The following NPHP1 variants were observed in gnomAD, a reference collection of about 807,000 sequenced individuals.
NPHP1 encodes nephrocystin 1.
In NPHP1, 70 loss-of-function variants were observed where a neutral mutation model predicts 90.4. The observed-to-expected ratio is 0.77, with a 90% CI of 0.64 to 0.95. The LOEUF is 0.95. Ranked by LOEUF, NPHP1 falls within the 40% of genes least tolerant of loss-of-function variation. NPHP1 has a pLI of 0.00. For missense variants in NPHP1, 764 were observed against 795.9 expected (o/e 0.96, Z 0.48); for synonymous variants, 256 against 271.7 (o/e 0.94, Z 0.57).
At chr2:110,167,734 A>G (rs1380034711) in intron 6 of NPHP1, among the ~76,000 whole-genome samples, 1 of 152,146 alleles carries the variant, frequency 6.6e-6, no homozygotes, top group Non-Finnish European at 1.5e-5. Flanking sequence ...GGGACTTGTG[A>G]CTGGCAACGG....
At chr2:110,195,885 C>G (rs1388804678) in intron 2 of NPHP1, among the ~76,000 whole-genome samples, 3 of 151,996 alleles carry the variant, frequency 2.0e-5, no homozygotes, top group East Asian at 1.9e-4. Flanking sequence ...ACAAACCTGA[C>G]AAAAACAAGA....
chr2:110,170,017 A>T lies in NPHP1; in HGVS notation c.330-19T>A. On this transcript the variant is annotated intron_variant, in intron 4 of 19. Coordinates refer to ENST00000445609, the MANE Select transcript of NPHP1 (RefSeq NM_001128178.3). ...CCCAACTCTACAAAAAGTGTTTCTG[A>T]GTAGGACTACTTGAAATAATATACA... 1.2e-6 allele frequency: 2 copies of T among 1,612,920 alleles called. No individual in the cohort carries two copies. Among genetic ancestry groups the T allele is most frequent in the African/African-American group, 2.7e-5 (2 of 75,006 alleles).
At chr2:110,164,315 G>A in intron 8 of NPHP1, 2 of 582,720 alleles carry the variant, frequency 3.4e-6, no homozygotes, top group Non-Finnish European at 6.0e-6. Flanking sequence ...GGGATTACCA[G>A]TGTGAATCAC....
chr2:110,129,239 G>A lies in NPHP1; in HGVS notation c.1663C>T (p.Leu555=). The stretch of plus-strand genomic sequence containing the variant: ...TCCAAGAGCATGGGGAAGGTGGCCA[G>A]CATGGGATGGCTAATTAAATCTGAA... ...QSTDLISHPM[L]ATFPMLLEQP... is the part of the protein sequence containing the mutation. The change falls in exon 18 of 20, where the codon CTG becomes TTG. Residue 555 remains leucine (L), a synonymous_variant. Transcript: ENST00000445609. The A allele has an allele frequency of 1.2e-6, 2 of 1,613,262 alleles. No homozygotes were observed. The highest frequency in any genetic ancestry group is 8.5e-7 in the Non-Finnish European group (1 of 1,179,306).
intron 2 of NPHP1, among the ~76,000 whole-genome samples, chr2:110,190,115 C>G (rs906301504): frequency 6.6e-6 from 1 of 152,214 alleles, no homozygotes; most frequent in Non-Finnish European, 1.5e-5. Context: ...AATCCCTTAG[C>G]TAGACATAAA....
chr2:110,140,735 A>C (rs1264883364), intron 16 of NPHP1, among the ~76,000 whole-genome samples: 1 of 152,140 alleles, frequency 6.6e-6, no homozygotes, highest in Non-Finnish European at 1.5e-5. Flanking sequence ...AATCTTGAAA[A>C]ATAACAATTT....
intron 2 of NPHP1, among the ~76,000 whole-genome samples, chr2:110,189,698 T>C (rs1006572513): frequency 6.6e-6 from 1 of 151,956 alleles, no homozygotes; most frequent in East Asian, 1.9e-4. Context: ...GAGAGCCGAG[T>C]AGTCTGTTCT....
At chr2:110,124,221 A>T (rs1369161993) in intron 19 of NPHP1, 158 bp from the exon 20 acceptor site, 1 of 774,768 alleles carries the variant, frequency 1.3e-6, no homozygotes, top group Non-Finnish European at 2.2e-6. Flanking sequence ...AGGACATGGC[A>T]CTTCAGAAGT....
At chr2:110,180,328 C>T (rs1683796670) in intron 2 of NPHP1, among the ~76,000 whole-genome samples, 1 of 151,812 alleles carries the variant, frequency 6.6e-6, no homozygotes, top group Admixed American at 6.6e-5. Flanking sequence ...GTCTTAGATA[C>T]CCAAATGAGA....
intron 19 of NPHP1, chr2:110,125,080 C>G (rs1679252108): frequency 5.3e-6 from 5 of 946,872 alleles, no homozygotes; most frequent in Non-Finnish European, 6.0e-6. Flanking sequence ...AACACCAGAG[C>G]TGAGTAGTGT....
In NPHP1 at chr2:110,163,116, A is replaced by G. The variant is rs1682467599; in HGVS notation, c.791T>C (p.Val264Ala). ...AISEQINTVD[V>A]LTTMGAIPAG... ...AGGAATAGCTCCCATCGTAGTTAAC[A>G]CATCAACAGTGTTTATCTGCTGAAG... The change falls in exon 9 of 20, where the codon GTG becomes GCG. Residue 264 changes from valine to alanine, a missense_variant. Transcript: ENST00000445609. 1 of 1,612,574 alleles carries G rather than the reference A, an allele frequency of 6.2e-7. No individual in the cohort carries two copies. The highest frequency in any genetic ancestry group is 8.5e-7 in the Non-Finnish European group (1 of 1,178,540).
chr2:110,155,005 C>T (rs1681783707), intron 11 of NPHP1, among the ~76,000 whole-genome samples: 1 of 152,126 alleles, frequency 6.6e-6, no homozygotes, highest in African/African-American at 2.4e-5. Context: ...CCTCCCATCA[C>T]AGGCCAGGAG....
chr2:110,143,946 C>T (rs959682498), intron 15 of NPHP1: 16 of 375,868 alleles, frequency 4.3e-5, no homozygotes, highest in East Asian at 3.8e-4. Context: ...GCAGGACTGG[C>T]GTTGTGGGGT....
chr2:110,184,740 C>G (rs1276716134), intron 2 of NPHP1: 1 of 718,382 alleles, frequency 1.4e-6, no homozygotes, highest in East Asian at 2.8e-5. Context: ...GAAAGACCCT[C>G]CTACCTATCC....
At position 110,178,447 on chromosome 2, in the gene NPHP1, G is replaced by A. The variant is rs1683659562; in HGVS notation, c.305C>T (p.Thr102Ile). 6.2e-7 allele frequency: 1 copy of A among 1,613,854 alleles called. No individual in the cohort carries two copies. Residue 102 changes from threonine (T) to isoleucine (I), a missense_variant, in exon 4 of 20, where the codon ACA becomes ATA. Thr to Ile is a moderately conservative substitution (Grantham distance 89, BLOSUM62 -1). Transcript: ENST00000445609. Reference protein sequence around the residue: ...LTQQLQGLAVTISRENITEVG... With the variant: ...LTQQLQGLAVIISRENITEVG... Reference sequence around the variant, plus strand: ...CTCAGTTATATTTTCTCTGCTTATTGTCACAGCAAGGCCCTGCAGTTGTTG... The same window carrying A: ...CTCAGTTATATTTTCTCTGCTTATTATCACAGCAAGGCCCTGCAGTTGTTG...
At chr2:110,171,108 A>G (rs1048421248) in intron 4 of NPHP1, among the ~76,000 whole-genome samples, 1 of 152,188 alleles carries the variant, frequency 6.6e-6, no homozygotes, top group African/African-American at 2.4e-5. Context: ...AAGTGACAAC[A>G]CTATGAACTA....
intron 1 of NPHP1, among the ~76,000 whole-genome samples, chr2:110,203,613 G>T (rs905812380): frequency 6.6e-6 from 1 of 151,764 alleles, no homozygotes; most frequent in African/African-American, 2.4e-5. Context: ...GAACAAAAAT[G>T]GATAAAATAT....
At chr2:110,154,899 T>C (rs562522151) in intron 11 of NPHP1, among the ~76,000 whole-genome samples, 1 of 152,276 alleles carries the variant, frequency 6.6e-6, no homozygotes, top group African/African-American at 2.4e-5. Context: ...TCAAGCCGGC[T>C]GCAGAAATTC....
intron 2 of NPHP1, among the ~76,000 whole-genome samples, chr2:110,194,928 G>C (rs199834024): frequency 0.31 from 46,796 of 151,814 alleles, 7,753 homozygotes; most frequent in East Asian, 0.55. Flanking sequence ...CTCAATAGAT[G>C]CAGAAAAGGC....
Sources: allele counts gnomAD v4.1 joint callset (sites outside exome capture counted in the v4.1 genomes callset), GRCh38; gene constraint gnomAD v4.1.1; transcripts MANE v1.5; gene names NCBI Gene and HGNC (gene_info 2026-07-23, HGNC 2026-07-21).